CHEK1: variants seen among roughly 807,000 people sequenced by gnomAD.
CHEK1 encodes the protein checkpoint kinase 1.
In CHEK1, 32 loss-of-function variants were observed where a neutral mutation model predicts 60.2. The observed-to-expected ratio is 0.53, with a 90% CI of 0.40 to 0.71. The LOEUF is 0.71. Among genes scored for constraint, CHEK1 ranks in the 30% least tolerant of loss-of-function variants. CHEK1 has a pLI of 0.00. For synonymous variants in CHEK1, 179 were observed against 187.2 expected (o/e 0.96, Z 0.36); for missense variants, 399 against 564.6 (o/e 0.71, Z 2.97).
At chr11:125,665,982 A>T (rs921801034) in intron 13 of CHEK1, among the ~76,000 whole-genome samples, 5 of 144,094 alleles carry the variant, frequency 3.5e-5, no homozygotes, top group African/African-American at 1.3e-4. Flanking sequence ...TTTTGTCTAA[A>T]TTTATTTATT....
chr11:125,637,325 T>C, intron 7 of CHEK1, 124 bp from the exon 8 acceptor site: 1 of 613,926 alleles, frequency 1.6e-6, no homozygotes, highest in Non-Finnish European at 2.6e-6. Flanking sequence ...GCTTTAATTC[T>C]TTCTCTTCCC....
chr11:125,633,431 A>G, intron 6 of CHEK1, 80 bp downstream of exon 6: 4 of 1,220,538 alleles, frequency 3.3e-6, no homozygotes. Context: ...AAACCAAGGA[A>G]TTCATGTTTA....
downstream of CHEK1, among the ~76,000 whole-genome samples, chr11:125,678,849 G>A (rs1165411428): frequency 1.3e-5 from 2 of 151,164 alleles, no homozygotes; most frequent in Non-Finnish European, 2.9e-5. Context: ...TATCAGAAGG[G>A]ATTAAGCCGC....
downstream of CHEK1, among the ~76,000 whole-genome samples, chr11:125,662,066 T>C (rs511246): frequency 0.99 from 150,717 of 152,344 alleles, 74,556 homozygotes; most frequent in East Asian, 1. Flanking sequence ...CTGGCAACTA[T>C]TAATCTTTTC....
At chr11:125,663,716 G>A (rs1307932356) in intron 13 of CHEK1, among the ~76,000 whole-genome samples, 2 of 152,026 alleles carry the variant, frequency 1.3e-5, no homozygotes, top group East Asian at 1.9e-4. Context: ...TGCTTTTGAT[G>A]TCTTCATCAT....
intron 13 of CHEK1, among the ~76,000 whole-genome samples, chr11:125,663,544 T>A (rs1356673987): frequency 6.6e-6 from 1 of 152,174 alleles, no homozygotes. Flanking sequence ...TTTAAGTTCC[T>A]TGTAGATTCT....
intron 11 of CHEK1, among the ~76,000 whole-genome samples, chr11:125,648,563 C>G (rs1941592839): frequency 6.9e-6 from 1 of 145,964 alleles, no homozygotes; most frequent in Admixed American, 6.9e-5. Context: ...GCCTGGGCGA[C>G]AGATCAAGAC....
At position 125,655,330 on chromosome 11, in the gene CHEK1, C is replaced by A. The variant is rs747973479; in HGVS notation, c.*10C>A. The A allele has an allele frequency of 1.3e-6, 2 of 1,579,472 alleles. No individual in the cohort carries two copies. Among genetic ancestry groups the A allele is most frequent in the Non-Finnish European group, 1.7e-6 (2 of 1,149,024 alleles). On this transcript the variant is annotated 3_prime_UTR_variant, in exon 13 of 13. Transcript: ENST00000438015. ...GCTTCCTGCCACATGATCGGACCAT[C>A]GGCTCTGGGGAATCCTGGTGAATAT...
At chr11:125,672,850 C>T in intron 13 of CHEK1, 1 of 1,151,230 alleles carries the variant, frequency 8.7e-7, no homozygotes. Context: ...TCTTTCTCTT[C>T]TATTTGCTTC....
At chr11:125,629,523 T>A in intron 5 of CHEK1, 63 bp downstream of exon 5, 1 of 1,213,442 alleles carries the variant, frequency 8.2e-7, no homozygotes, top group Non-Finnish European at 1.2e-6. Context: ...TTATTTTAAT[T>A]ACCTAATTAT....
downstream of CHEK1, among the ~76,000 whole-genome samples, chr11:125,658,925 A>G (rs1214022459): frequency 6.6e-6 from 1 of 151,972 alleles, no homozygotes; most frequent in African/African-American, 2.4e-5. Flanking sequence ...GGCTCAAGTG[A>G]TCATCCTGCC....
chr11:125,657,887 G>C (rs893509491), downstream of CHEK1, among the ~76,000 whole-genome samples: 1 of 145,716 alleles, frequency 6.9e-6, no homozygotes, highest in African/African-American at 2.6e-5. Flanking sequence ...ATGACAAACT[G>C]TTTTCTAAAG....
chr11:125,665,935 C>A, intron 13 of CHEK1, among the ~76,000 whole-genome samples: 1 of 65,660 alleles, frequency 1.5e-5, no homozygotes, highest in Non-Finnish European at 2.9e-5. Flanking sequence ...TTGATCTTTT[C>A]CAAAAAACAA....
rs1220819081 is a variant in CHEK1 at position 125,625,857 on chromosome 11, T to C, written c.-176T>C. 4 of 702,494 alleles carry C rather than the reference T, an allele frequency of 5.7e-6. No individual in the cohort carries two copies. Among genetic ancestry groups the C allele is most frequent in the East Asian group, 5.4e-5 (2 of 37,290 alleles). 43.5% of individuals were successfully genotyped at this position (702,494 alleles called of 1,614,324 possible). On this transcript the variant is annotated 5_prime_UTR_variant, in exon 1 of 13. Transcript: ENST00000438015. ...CGGCAACATCTCCACGTCACCCTTT[T>C]GGAGCCGCCGACATTCAGAGGGGCA...
chr11:125,654,597 T>C (rs1941847158), intron 12 of CHEK1, among the ~76,000 whole-genome samples: 1 of 152,150 alleles, frequency 6.6e-6, no homozygotes. Flanking sequence ...TTAGAAATCA[T>C]TGATTCTAAG....
At chr11:125,634,963 T>G (rs1941008685) in intron 6 of CHEK1, among the ~76,000 whole-genome samples, 1 of 54,132 alleles carries the variant, frequency 1.8e-5, no homozygotes, top group Non-Finnish European at 3.8e-5. Flanking sequence ...TGTTTTTTGG[T>G]TTTTTTTTTT....
Position 125,643,920 on chromosome 11 carries a change from A to G in CHEK1, c.923+20A>G, listed in dbSNP as rs753078049. 5 of 1,598,060 alleles carry G rather than the reference A, an allele frequency of 3.1e-6. No homozygotes were observed. Among genetic ancestry groups the G allele is most frequent in the African/African-American group, 1.3e-5 (1 of 74,458 alleles). Reference sequence around the variant, plus strand: ...TTCTAGGTAAGACTGATAAAGATTGAGTAGTTTTTGATTGTAGTATTCCCC... The same window carrying G: ...TTCTAGGTAAGACTGATAAAGATTGGGTAGTTTTTGATTGTAGTATTCCCC... On this transcript the variant is annotated intron_variant, in intron 9 of 12. Transcript: ENST00000438015.
chr11:125,649,279 T>C (rs1941618597), intron 11 of CHEK1, among the ~76,000 whole-genome samples: 1 of 152,224 alleles, frequency 6.6e-6, no homozygotes, highest in Non-Finnish European at 1.5e-5. Flanking sequence ...CTCAAATTCC[T>C]GGGCTCAAGT....
intron 10 of CHEK1, 78 bp from the exon 11 acceptor site, chr11:125,644,434 A>G: frequency 1.3e-6 from 2 of 1,535,196 alleles, no homozygotes; most frequent in Non-Finnish European, 1.8e-6. Flanking sequence ...AAATAATTTT[A>G]AGTCAGACTA....
Sources: gnomAD v4.1 joint callset for allele counts (sites outside exome capture counted in the v4.1 genomes callset) on GRCh38, gnomAD v4.1.1 for gene constraint, MANE v1.5 for transcripts, NCBI Gene and HGNC (gene_info 2026-07-23, HGNC 2026-07-21) for gene names.